The following DZIP1 variants were observed in gnomAD, a reference collection of about 807,000 sequenced individuals.
The protein encoded by DZIP1 is cilium assembly protein DZIP1.
DZIP1 carries 97 observed loss-of-function variants against 107.6 expected under a neutral mutation model. The ratio of observed to expected loss-of-function variants is 0.90; its 90% CI spans 0.77 to 1.07. DZIP1 has a LOEUF of 1.07. Ranked by LOEUF, DZIP1 falls within the 50% of genes least tolerant of loss-of-function variation. The pLI, the probability that DZIP1 is intolerant of heterozygous loss-of-function variation, is 0.00. For synonymous variants in DZIP1, 390 were observed against 386.4 expected, an observed-to-expected ratio of 1.01 and a Z score of -0.11; for missense variants, 1,035 against 1,063.6, an observed-to-expected ratio of 0.97 and a Z score of 0.37.
At chr13:95,592,743 A>C (rs2138856467) in intron 16 of DZIP1, among the ~76,000 whole-genome samples, 1 of 152,364 alleles carries the variant, frequency 6.6e-6, no homozygotes, top group African/African-American at 2.4e-5. Flanking sequence ...AGCAGGGAAG[A>C]GATAAACTGT....
At chr13:95,602,458 T>C (rs1358808485) in intron 14 of DZIP1, among the ~76,000 whole-genome samples, 2 of 152,236 alleles carry the variant, frequency 1.3e-5, no homozygotes, top group Non-Finnish European at 2.9e-5. Flanking sequence ...GTCTCCTTTA[T>C]AAGCTGTAAG....
At chr13:95,615,975 C>T (rs1360972842) in intron 10 of DZIP1, among the ~76,000 whole-genome samples, 1 of 152,052 alleles carries the variant, frequency 6.6e-6, no homozygotes, top group Non-Finnish European at 1.5e-5. Context: ...AAAAAAACAC[C>T]CTGATGAGGA....
chr13:95,587,697 T>C lies in DZIP1; in HGVS notation c.2060A>G (p.Glu687Gly). 6.2e-7 allele frequency: 1 copy of C among 1,614,132 alleles called. No homozygotes were observed. Among genetic ancestry groups the C allele is most frequent in the Non-Finnish European group, 8.5e-7 (1 of 1,180,018 alleles). The change falls in exon 20 of 23, where the codon GAG (glutamate) becomes GGG (glycine). Residue 687 changes from glutamate (E) to glycine (G), a missense_variant. By Grantham distance (98) the Glu-to-Gly change is moderately conservative. Coordinates refer to ENST00000376829, the MANE Select transcript of DZIP1 (RefSeq NM_198968.4). The part of the protein sequence containing the change: ...TPPFSSEEEQ[E>G]DDDLIRAYAS... ...GTATGCCCGGATGAGGTCGTCGTCC[T>C]CCTGCTCCTCCTCTGAACTAAAAGG...
At chr13:95,586,162 A>C in intron 20 of DZIP1, 26 bp from the exon 21 acceptor site, 3 of 1,560,536 alleles carry the variant, frequency 1.9e-6, no homozygotes, top group Non-Finnish European at 2.6e-6. Context: ...AAATTAGGCA[A>C]GTTAAGTATT....
intron 7 of DZIP1, among the ~76,000 whole-genome samples, chr13:95,625,528 CT>C (rs1180210497): frequency 2.0e-5 from 3 of 152,126 alleles, no homozygotes; most frequent in Admixed American, 6.6e-5. Context: ...CCAGGAAGAC[CT>C]TTTTTTAAGT....
Position 95,608,204 on chromosome 13 carries a change from A to C in DZIP1, c.1420+1253T>G, listed in dbSNP as rs76810570. On this transcript the variant is annotated intron_variant, in intron 13 of 22. Coordinates refer to ENST00000376829, the MANE Select transcript of DZIP1 (RefSeq NM_198968.4). ...GAATTTTCTAGAGCCAGTGGCATCCATATTTTTTTGACCACATTCCCCAAT... is the reference window on the plus strand; with the variant it reads ...GAATTTTCTAGAGCCAGTGGCATCCCTATTTTTTTGACCACATTCCCCAAT... 9.9e-5 allele frequency among the ~76,000 whole-genome samples: 15 copies of C among 152,246 alleles called. No homozygotes were observed. In the East Asian group the frequency reaches 2.7e-3, roughly 27 times the overall value.
chr13:95,628,968 C>T (rs956850295), intron 7 of DZIP1, among the ~76,000 whole-genome samples: 6 of 151,938 alleles, frequency 3.9e-5, no homozygotes, highest in African/African-American at 9.7e-5. Flanking sequence ...TCAACACTAC[C>T]GAACTGTACA....
intron 6 of DZIP1, among the ~76,000 whole-genome samples, chr13:95,631,611 T>C (rs1877204538): frequency 6.6e-6 from 1 of 152,174 alleles, no homozygotes; most frequent in Admixed American, 6.6e-5. Context: ...CCTGGCTCCT[T>C]GGTAAGCCTC....
chr13:95,617,191 G>T (rs1327958808), intron 10 of DZIP1, among the ~76,000 whole-genome samples: 1 of 149,656 alleles, frequency 6.7e-6, no homozygotes, highest in African/African-American at 2.4e-5. Context: ...AACAGAGTGA[G>T]ACTCTGTCTC....
intron 5 of DZIP1, among the ~76,000 whole-genome samples, chr13:95,636,268 T>G (rs182664611): frequency 1.7e-3 from 253 of 148,764 alleles, no homozygotes; most frequent in African/African-American, 5.7e-3. Flanking sequence ...TAGGGCCGGG[T>G]GCAGTGGCTC....
intron 22 of DZIP1, chr13:95,584,435 G>T (rs988047034): frequency 1.5e-5 from 4 of 271,752 alleles, no homozygotes; most frequent in African/African-American, 9.2e-5. Flanking sequence ...GGTTAAGGTT[G>T]CAGTGAGCCA....
rs1017915324 is a variant in DZIP1 at position 95,594,654 on chromosome 13, A to T, written c.1538-568T>A. On this transcript the variant is annotated intron_variant, in intron 15 of 22. Transcript: ENST00000376829. ...ATTTCAATTTATTTTAAATATAAAA[A>T]TTTTTTTTCAAAGTTTTTTAGTTAC... Among the ~76,000 whole-genome samples, 11 of 152,084 alleles carry T rather than the reference A, an allele frequency of 7.2e-5. 1 individual carries two copies. In the South Asian group the frequency reaches 2.1e-3, roughly 29 times the overall value.
intron 21 of DZIP1, 72 bp downstream of exon 21, chr13:95,585,934 C>CA: frequency 6.9e-7 from 1 of 1,450,100 alleles, no homozygotes; most frequent in Non-Finnish European, 9.2e-7. Flanking sequence ...TATTTCACTA[C>CA]AAAAAGTGTG....
chr13:95,599,763 A>G (rs1313082050), intron 14 of DZIP1, among the ~76,000 whole-genome samples: 1 of 152,224 alleles, frequency 6.6e-6, no homozygotes, highest in Non-Finnish European at 1.5e-5. Flanking sequence ...AAAGTATTTC[A>G]ATCAAGTGGC....
Position 95,609,469 on chromosome 13 carries a change from G to A in DZIP1, c.1408C>T (p.Pro470Ser), listed in dbSNP as rs1322320022. The change falls in exon 13 of 23, where the codon CCA becomes TCA. Residue 470 changes from proline to serine, a missense_variant. Physicochemically the swap from Pro to Ser is moderately conservative, Grantham distance 74. Transcript: ENST00000376829. ...WQAFESQPAA[P>S]AVPMNAPALH... ...TATAGGAACTTACTAGGCACAGCTG[G>A]AGCAGCTGGCTGAGATTCAAAAGCC... The A allele has an allele frequency of 6.3e-7, 1 of 1,579,694 alleles. No individual in the cohort carries two copies. The highest frequency in any genetic ancestry group is 1.2e-5 in the South Asian group (1 of 84,750).
intron 10 of DZIP1, among the ~76,000 whole-genome samples, chr13:95,615,028 CA>C (rs1156836581): frequency 1.3e-5 from 2 of 152,088 alleles, no homozygotes; most frequent in African/African-American, 4.8e-5. Context: ...GGTTTAAGAG[CA>C]AAGAAGGGAG....
chr13:95,590,596 C>A (rs761300138), intron 16 of DZIP1, among the ~76,000 whole-genome samples, 155 bp from the exon 17 acceptor site: 20 of 152,184 alleles, frequency 1.3e-4, no homozygotes, highest in Non-Finnish European at 2.1e-4. Flanking sequence ...ACACACTGTC[C>A]CCAAAGGGGC....
intron 7 of DZIP1, among the ~76,000 whole-genome samples, chr13:95,628,938 G>A (rs928164656): frequency 2.0e-5 from 3 of 152,134 alleles, no homozygotes; most frequent in Non-Finnish European, 4.4e-5. Flanking sequence ...GAGATTGGCT[G>A]TATAACAATG....
intron 13 of DZIP1, among the ~76,000 whole-genome samples, chr13:95,608,351 T>C (rs891190282): frequency 1.3e-5 from 2 of 151,398 alleles, no homozygotes; most frequent in Admixed American, 6.6e-5. Flanking sequence ...TTTATTAATA[T>C]ATAAAAAGAA....
Sources: allele counts gnomAD v4.1 joint callset (sites outside exome capture counted in the v4.1 genomes callset), GRCh38; gene constraint gnomAD v4.1.1; transcripts MANE v1.5; gene names NCBI Gene and HGNC (gene_info 2026-07-23, HGNC 2026-07-21).